Variants in PCDHA1 observed in about 807,000 individuals in gnomAD.
PCDHA1 encodes protocadherin alpha 1.
A neutral mutation model predicts 61.3 loss-of-function variants in PCDHA1; 42 were observed. The observed-to-expected ratio is 0.69, with a 90% CI of 0.54 to 0.89. PCDHA1 has a LOEUF of 0.89. PCDHA1 is among the 40% of genes least tolerant of loss of function. PCDHA1 has a pLI of 0.00. For missense variants in PCDHA1, 1,256 were observed against 1,235.3 expected (o/e 1.02, Z -0.25); for synonymous variants, 610 against 553.8 (o/e 1.10, Z -1.43).
intron 1 of PCDHA1, chr5:140,861,171 A>G (rs2046785081): frequency 6.3e-6 from 1 of 158,188 alleles, no homozygotes; most frequent in Non-Finnish European, 1.4e-5. Flanking sequence ...TCTCAGAGGA[A>G]CTAAGTCTTT....
At chr5:141,003,095 T>C (rs1245011518) in intron 3 of PCDHA1, among the ~76,000 whole-genome samples, 3 of 152,258 alleles carry the variant, frequency 2.0e-5, no homozygotes, top group African/African-American at 7.2e-5. Flanking sequence ...AGGCCTGGCA[T>C]TTGCTTCACA....
intron 1 of PCDHA1, among the ~76,000 whole-genome samples, chr5:140,891,064 A>T (rs1442139760): frequency 6.6e-6 from 1 of 152,206 alleles, no homozygotes; most frequent in East Asian, 1.9e-4. Flanking sequence ...AGTAAATATT[A>T]TTCCAGTGTC....
chr5:140,941,936 T>G (rs901567070), intron 1 of PCDHA1, among the ~76,000 whole-genome samples: 7 of 152,362 alleles, frequency 4.6e-5, no homozygotes, highest in Non-Finnish European at 7.3e-5. Flanking sequence ...ATATTTGAAT[T>G]ACTTTTGTTT....
rs540052499 is a variant in PCDHA1 at position 140,992,812 on chromosome 5, G to A, written c.2542+10249G>A. Among the ~76,000 whole-genome samples the A allele has an allele frequency of 2.5e-4, 38 of 152,228 alleles. No homozygotes were observed. The South Asian group carries it at 7.9e-3, about 32-fold the overall frequency. ...TTTTATGGATCCATATGTATCTAAG[G>A]ATGTGTTTGTTTTTTGGGAACATTT... is the stretch of plus-strand genomic sequence containing the variant. On this transcript the variant is annotated intron_variant, in intron 3 of 3. Transcript: ENST00000504120.
At chr5:140,811,423 G>T (rs954337823) in intron 1 of PCDHA1, 22 of 152,276 alleles carry the variant, frequency 1.4e-4, no homozygotes, top group Admixed American at 6.5e-4. Context: ...GGACATTTGG[G>T]TTGGTTCCAA....
Position 140,829,886 on chromosome 5 carries a change from G to A in PCDHA1, c.2394+41202G>A, listed in dbSNP as rs2150176941. The A allele has an allele frequency of 5.0e-6, 8 of 1,613,958 alleles. No individual in the cohort carries two copies. The highest frequency in any genetic ancestry group is 6.8e-6 in the Non-Finnish European group (8 of 1,179,888). Reference sequence around the variant, plus strand: ...GGTGGCGAAGGTGCGCGCAGTTGACGCCGACTCAGGCTACAACGCGTGGCT... The same window carrying A: ...GGTGGCGAAGGTGCGCGCAGTTGACACCGACTCAGGCTACAACGCGTGGCT... On this transcript the variant is annotated intron_variant, in intron 1 of 3. Transcript: ENST00000504120.
At chr5:140,838,675 C>A (rs1006431084) in intron 1 of PCDHA1, among the ~76,000 whole-genome samples, 8 of 152,016 alleles carry the variant, frequency 5.3e-5, no homozygotes, top group Admixed American at 1.3e-4. Flanking sequence ...GTGGCACACA[C>A]CTTTAACCCC....
chr5:140,862,824 G>A, intron 1 of PCDHA1: 1 of 571,890 alleles, frequency 1.7e-6, no homozygotes, highest in Non-Finnish European at 3.4e-6. Context: ...AGGTGAGAGC[G>A]CGCGACGCGG....
intron 3 of PCDHA1, among the ~76,000 whole-genome samples, chr5:140,987,604 T>G (rs2097261353): frequency 6.6e-6 from 1 of 152,222 alleles, no homozygotes; most frequent in Admixed American, 6.5e-5. Context: ...GTCTACCTTA[T>G]AGGGTTCTTG....
At chr5:140,796,329 C>T (rs372842569) in intron 1 of PCDHA1, 1 of 1,608,296 alleles carries the variant, frequency 6.2e-7, no homozygotes, top group Non-Finnish European at 8.5e-7. Context: ...CGCCGGCGTT[C>T]GCACAGCCTG....
chr5:140,886,827 GAA>G (rs782016620), intron 1 of PCDHA1, among the ~76,000 whole-genome samples: 14 of 60,910 alleles, frequency 2.3e-4, no homozygotes, highest in Non-Finnish European at 3.3e-4. Context: ...ACTTCGTCTT[GAA>G]AAAAAAAAAA....
Position 140,856,254 on chromosome 5 carries a change from G to C in PCDHA1, c.2394+67570G>C, listed in dbSNP as rs1554148458. 6.9e-6 allele frequency: 11 copies of C among 1,598,144 alleles called. No homozygotes were observed. Among genetic ancestry groups the C allele is most frequent in the Admixed American group, 1.7e-5 (1 of 59,266 alleles). ...CGCCTGTTCCGGGTGGCGTCCAAAA[G>C]ACACGGGGACCTTCTGGAGGTAAAT... On this transcript the variant is annotated intron_variant, in intron 1 of 3. Transcript: ENST00000504120.
chr5:140,881,335 C>T (rs2153378731), intron 1 of PCDHA1: 2 of 984,916 alleles, frequency 2.0e-6, no homozygotes, highest in South Asian at 4.7e-5. Context: ...ACCAGGACGC[C>T]GATTCGGGCT....
rs1554145527 is a variant in PCDHA1, at chr5:140,851,758, C to T, written c.2394+63074C>T. The T allele has an allele frequency of 1.1e-5, 11 of 969,794 alleles. 1 individual carries two copies. The highest frequency in any genetic ancestry group is 1.4e-5 in the Non-Finnish European group (11 of 802,714). 60.1% of individuals were successfully genotyped at this position (969,794 alleles called of 1,614,324 possible). ...GAAATTCAGAGTCTGTAACTTAAAACATTACCCTTATGAATTTAGATGAGA... is the reference window on the plus strand; with the variant it reads ...GAAATTCAGAGTCTGTAACTTAAAATATTACCCTTATGAATTTAGATGAGA... On this transcript the variant is annotated intron_variant, in intron 1 of 3. Transcript: ENST00000504120.
intron 3 of PCDHA1, among the ~76,000 whole-genome samples, chr5:140,998,172 T>C (rs1438782798): frequency 6.6e-6 from 1 of 152,184 alleles, no homozygotes; most frequent in Admixed American, 6.5e-5. Flanking sequence ...CCAAGTATTA[T>C]TCTAAGCACT....
chr5:140,951,933 A>T (rs2094659165), intron 1 of PCDHA1, among the ~76,000 whole-genome samples: 1 of 152,164 alleles, frequency 6.6e-6, no homozygotes, highest in African/African-American at 2.4e-5. Context: ...TACTCCCAAG[A>T]TACAGTGCGG....
At chr5:140,813,514 A>C (rs1765320066) in intron 1 of PCDHA1, 2 of 152,204 alleles carry the variant, frequency 1.3e-5, no homozygotes, top group Non-Finnish European at 2.9e-5. Flanking sequence ...AAAACATTGT[A>C]CAGATTTTTA....
intron 1 of PCDHA1, chr5:140,829,802 G>A (rs1554132256): frequency 5.0e-6 from 8 of 1,613,872 alleles, no homozygotes; most frequent in Non-Finnish European, 5.9e-6. Flanking sequence ...GCCTCGGGTG[G>A]GTGGTACTGG....
rs994045696 is a variant in PCDHA1 at position 140,859,234 on chromosome 5, T to G, written c.2394+70550T>G. 5 of 142,110 alleles carry G rather than the reference T, an allele frequency of 3.5e-5. 2 individuals carry two copies. The highest frequency in any genetic ancestry group is 8.0e-5 in the Non-Finnish European group (5 of 62,814). The allele number at this position is 142,110 out of a possible 1,614,324, so 8.8% of individuals were successfully genotyped here. A position where few individuals can be genotyped will look rare whatever the true frequency, so the allele number is the denominator to read the frequency against. ...CTCTTTCACTTTAAGGAAGGAGTCA[T>G]GCTTATGTTTAATAATGAAGAGAAT... On this transcript the variant is annotated intron_variant, in intron 1 of 3. Transcript: ENST00000504120.
Sources: allele counts gnomAD v4.1 joint callset (sites outside exome capture counted in the v4.1 genomes callset), GRCh38; gene constraint gnomAD v4.1.1; transcripts MANE v1.5; gene names NCBI Gene and HGNC (gene_info 2026-07-23, HGNC 2026-07-21).